CEP85L: variants seen among roughly 807,000 people sequenced by gnomAD.
CEP85L encodes the protein centrosomal protein 85L.
Under a neutral mutation model 100.3 loss-of-function variants are expected in CEP85L, and 60 were observed. That is an observed-to-expected ratio of 0.60 (90% CI 0.49 to 0.74). The LOEUF (loss-of-function observed/expected upper bound fraction) is 0.74. Ranked by LOEUF, CEP85L falls within the 30% of genes least tolerant of loss-of-function variation. The pLI is 0.00. For missense variants in CEP85L, 973 were observed against 936.2 expected, an observed-to-expected ratio of 1.04 and a Z score of -0.51; for synonymous variants, 319 against 322.7, an observed-to-expected ratio of 0.99 and a Z score of 0.12.
intron 10 of CEP85L, among the ~76,000 whole-genome samples, chr6:118,472,165 T>G (rs1019031676): frequency 1.3e-5 from 2 of 152,056 alleles, no homozygotes; most frequent in African/African-American, 4.8e-5. Flanking sequence ...GAGTTTTATA[T>G]TTTTACCAAT....
At chr6:118,559,094 C>A in intron 3 of CEP85L, 1 of 1,599,186 alleles carries the variant, frequency 6.3e-7, no homozygotes, top group Non-Finnish European at 8.6e-7. Flanking sequence ...TCTGCTACAA[C>A]CTCTAGATCT....
Position 118,704,749 on chromosome 6 carries a change from G to T in CEP85L, c.-28+5287C>A, listed in dbSNP as rs1374075969. On this transcript the variant is annotated intron_variant, in intron 1 of 13. Coordinates refer to the CEP85L transcript ENST00000368488. ...GCCTCCCACAGTGCTGGGATTACAG[G>T]CTTGAGCCACCACGCCTGGCCAAAA... Among the ~76,000 whole-genome samples, 8 of 152,178 alleles carry T rather than the reference G, an allele frequency of 5.3e-5. No homozygotes were observed. In the East Asian group the frequency reaches 1.3e-3, roughly 26 times the overall value.
upstream of CEP85L, chr6:118,657,078 T>C (rs2115399595): frequency 6.6e-6 from 1 of 152,378 alleles, no homozygotes; most frequent in East Asian, 1.9e-4. Flanking sequence ...ACACCCCTAG[T>C]TCCATTTTAG....
intron 5 of CEP85L, among the ~76,000 whole-genome samples, chr6:118,501,229 G>A (rs186098866): frequency 5.3e-4 from 81 of 152,346 alleles, no homozygotes; most frequent in African/African-American, 1.9e-3. Context: ...CCTTGCCCAT[G>A]TCTGACCAGG....
chr6:118,542,159 G>A (rs2114882035), intron 3 of CEP85L, among the ~76,000 whole-genome samples: 1 of 152,184 alleles, frequency 6.6e-6, no homozygotes, highest in Non-Finnish European at 1.5e-5. Flanking sequence ...TGTATTATAT[G>A]CCAAACTCAC....
chr6:118,584,175 T>C (rs896724999), intron 2 of CEP85L, among the ~76,000 whole-genome samples: 3 of 152,152 alleles, frequency 2.0e-5, no homozygotes, highest in Admixed American at 1.3e-4. Context: ...GAGGATGCTT[T>C]TCAGGAAGGC....
chr6:118,642,437 AG>A (rs1774937785), intron 1 of CEP85L, among the ~76,000 whole-genome samples: 7 of 152,246 alleles, frequency 4.6e-5, no homozygotes, highest in Admixed American at 3.3e-4. Context: ...CTAGGCCAGA[AG>A]AAAGTAAGAA....
rs1772445783 is a variant in CEP85L at position 118,465,497 on chromosome 6, C to T, written c.2326G>A (p.Val776Met). Reference sequence around the variant, plus strand: ...TCAATGTCTCTTCGTAACTGGCACACATCTGACAGCTTTTTAGTGAGTGTT... The same window carrying T: ...TCAATGTCTCTTCGTAACTGGCACATATCTGACAGCTTTTTAGTGAGTGTT... The part of the protein sequence containing the change: ...TETLTKKLSD[V>M]CQLRRDIDEL... The change falls in exon 13 of 13, where the codon GTG (valine) becomes ATG (methionine). Residue 776 changes from valine to methionine, a missense_variant. Coordinates refer to ENST00000368491, the MANE Select transcript of CEP85L (RefSeq NM_001042475.3). 2 of 1,613,702 alleles carry T rather than the reference C, an allele frequency of 1.2e-6. No individual in the cohort carries two copies. The highest frequency in any genetic ancestry group is 1.7e-6 in the Non-Finnish European group (2 of 1,179,680).
At chr6:118,611,631 CAT>C (rs1772621998) in intron 2 of CEP85L, among the ~76,000 whole-genome samples, 2 of 152,064 alleles carry the variant, frequency 1.3e-5, no homozygotes, top group African/African-American at 4.8e-5. Context: ...CAAATAATAA[CAT>C]AGATAGGTTG....
chr6:118,482,167 C>T (rs1030244568), intron 7 of CEP85L, among the ~76,000 whole-genome samples: 11 of 151,686 alleles, frequency 7.3e-5, no homozygotes, highest in Admixed American at 2.0e-4. Flanking sequence ...TGTAGAAGAC[C>T]GAGAAAGGTT....
chr6:118,465,183 A>T lies in CEP85L; in HGVS notation c.*222T>A. 2.2e-6 allele frequency: 1 copy of T among 462,874 alleles called. No homozygotes were observed. Among genetic ancestry groups the T allele is most frequent in the African/African-American group, 2.0e-5 (1 of 49,968 alleles). 28.7% of individuals were successfully genotyped at this position (462,874 alleles called of 1,614,324 possible). A position where few individuals can be genotyped will look rare whatever the true frequency, so the allele number is the denominator to read the frequency against. ...AATATAGACATTTTTTTCCTTGTAG[A>T]TTTTATCATATTTTCCAAAGGTAAT... On this transcript the variant is annotated 3_prime_UTR_variant, in exon 13 of 13. Transcript: ENST00000368491.
chr6:118,672,801 G>T (rs139885020), intron 1 of CEP85L, among the ~76,000 whole-genome samples: 2 of 144,066 alleles, frequency 1.4e-5, no homozygotes, highest in African/African-American at 5.1e-5. Context: ...GAGGAGGAAG[G>T]AGGAGGAAGG....
chr6:118,661,886 A>G (rs1217232269), intron 1 of CEP85L, among the ~76,000 whole-genome samples: 1 of 152,266 alleles, frequency 6.6e-6, no homozygotes, highest in African/African-American at 2.4e-5. Flanking sequence ...ACGTTGTATC[A>G]CGAAATGACT....
intron 4 of CEP85L, among the ~76,000 whole-genome samples, chr6:118,521,004 TTA>T (rs1257038219): frequency 1.3e-5 from 2 of 152,234 alleles, no homozygotes; most frequent in Non-Finnish European, 2.9e-5. Context: ...CCTATGAAAG[TTA>T]TACGCAGTGT....
rs1459035588 is a variant in CEP85L at position 118,469,099 on chromosome 6, T to C, written c.2227A>G (p.Asn743Asp). Reference protein sequence around the residue: ...LNQRAQGKEPNLSLLLGIRSM... With the variant: ...LNQRAQGKEPDLSLLLGIRSM... ...CTTATTCCCAGTAATAATGAAAGAT[T>C]AGGCTCCTTGCCCTGAGCACGCTGA... Residue 743 changes from asparagine (N) to aspartate (D), a missense_variant, in exon 12 of 13, where the codon AAT (asparagine) becomes GAT (aspartate). Asn to Asp is a conservative substitution (Grantham distance 23). Transcript: ENST00000368491. 1 of 1,613,278 alleles carries C rather than the reference T, an allele frequency of 6.2e-7. No individual in the cohort carries two copies. Among genetic ancestry groups the C allele is most frequent in the Admixed American group, 1.7e-5 (1 of 59,986 alleles).
intron 1 of CEP85L, among the ~76,000 whole-genome samples, chr6:118,639,031 G>A (rs527310380): frequency 6.6e-5 from 10 of 152,174 alleles, no homozygotes; most frequent in Admixed American, 5.9e-4. Flanking sequence ...TTTTAAATAA[G>A]CTGAATACAT....
At chr6:118,579,833 A>G (rs555946923) in intron 2 of CEP85L, among the ~76,000 whole-genome samples, 1 of 152,336 alleles carries the variant, frequency 6.6e-6, no homozygotes, top group South Asian at 2.1e-4. Flanking sequence ...AATGGCCTGA[A>G]GGGCGGGCCA....
At chr6:118,484,474 G>A (rs539370950) in intron 6 of CEP85L, among the ~76,000 whole-genome samples, 115 of 152,286 alleles carry the variant, frequency 7.6e-4, no homozygotes, top group Admixed American at 7.5e-3. Flanking sequence ...CTGCACATGT[G>A]CAAATTTGGT....
chr6:118,634,919 G>A (rs375763437), intron 1 of CEP85L, among the ~76,000 whole-genome samples: 19 of 152,050 alleles, frequency 1.2e-4, no homozygotes, highest in African/African-American at 4.6e-4. Flanking sequence ...TATAAGAAAC[G>A]ATGCCAAATC....
Sources: gnomAD v4.1 joint callset for allele counts (sites outside exome capture counted in the v4.1 genomes callset) on GRCh38, gnomAD v4.1.1 for gene constraint, MANE v1.5 for transcripts, NCBI Gene and HGNC (gene_info 2026-07-23, HGNC 2026-07-21) for gene names.